The following CADM2 variants were observed in gnomAD, a reference collection of about 807,000 sequenced individuals.
CADM2 encodes immunoglobulin superfamily member 4D.
In CADM2, 12 loss-of-function variants were observed where a neutral mutation model predicts 49.8. That is an observed-to-expected ratio of 0.24 (90% confidence interval 0.15 to 0.39). The LOEUF (loss-of-function observed/expected upper bound fraction) is 0.39, where lower values mean the gene tolerates loss of function less well. CADM2 is among the 10% of genes least tolerant of loss of function. The probability of loss-of-function intolerance (pLI) is 1.00; values close to 1 mark genes in which losing one functional copy is unlikely to be tolerated. For missense variants in CADM2, 378 were observed against 492.3 expected, an observed-to-expected ratio of 0.77 and a Z score of 2.20; for synonymous variants, 214 against 175.4, an observed-to-expected ratio of 1.22 and a Z score of -1.74.
At chr3:86,016,197 A>G (rs879694585) in intron 8 of CADM2, among the ~76,000 whole-genome samples, 9 of 152,224 alleles carry the variant, frequency 5.9e-5, no homozygotes, top group Admixed American at 2.6e-4. Flanking sequence ...ATGGAAATTT[A>G]TGTATATTAG....
intron 1 of CADM2, among the ~76,000 whole-genome samples, chr3:85,066,031 G>A (rs534066468): frequency 6.6e-6 from 1 of 152,190 alleles, no homozygotes; most frequent in South Asian, 2.1e-4. Context: ...GGATGAGAGT[G>A]GGGATGGTGC....
chr3:85,607,701 G>C (rs1415914252), intron 1 of CADM2, among the ~76,000 whole-genome samples: 5 of 151,338 alleles, frequency 3.3e-5, no homozygotes, highest in Non-Finnish European at 7.4e-5. Context: ...CTATCACCCA[G>C]GCTGGAGTGC....
At chr3:85,871,897 G>T (rs999823437) in intron 3 of CADM2, among the ~76,000 whole-genome samples, 1 of 152,102 alleles carries the variant, frequency 6.6e-6, no homozygotes, top group Non-Finnish European at 1.5e-5. Flanking sequence ...CAAAATATTT[G>T]CATGGTGGTG....
chr3:85,065,969 A>T (rs2036513835), intron 1 of CADM2, among the ~76,000 whole-genome samples: 1 of 152,198 alleles, frequency 6.6e-6, no homozygotes, highest in Admixed American at 6.6e-5. Flanking sequence ...TGCAATTAAA[A>T]ACAACAGCCA....
At chr3:85,310,576 G>T (rs911310197) in intron 1 of CADM2, among the ~76,000 whole-genome samples, 29 of 152,136 alleles carry the variant, frequency 1.9e-4, no homozygotes, top group Non-Finnish European at 4.0e-4. Context: ...TTAGGCAGCA[G>T]AATCCCTTGG....
At chr3:85,186,314 G>GT (rs1156397240) in intron 1 of CADM2, among the ~76,000 whole-genome samples, 3 of 151,930 alleles carry the variant, frequency 2.0e-5, no homozygotes, top group African/African-American at 7.3e-5. Context: ...GGTGCTCTTG[G>GT]TCAAAAACTC....
At chr3:85,390,848 C>T (rs1423945431) in intron 1 of CADM2, among the ~76,000 whole-genome samples, 2 of 151,962 alleles carry the variant, frequency 1.3e-5, no homozygotes, top group Admixed American at 6.6e-5. Context: ...CATTTACAGC[C>T]GAATTGTAAA....
chr3:85,726,762 G>C (rs1200662018), intron 2 of CADM2, among the ~76,000 whole-genome samples: 1 of 151,944 alleles, frequency 6.6e-6, no homozygotes, highest in African/African-American at 2.4e-5. Context: ...TTGTTTTCTT[G>C]TTTCACTTCT....
At chr3:85,393,840 AT>A (rs2034636628) in intron 1 of CADM2, among the ~76,000 whole-genome samples, 1 of 152,100 alleles carries the variant, frequency 6.6e-6, no homozygotes, top group South Asian at 2.1e-4. Flanking sequence ...AAGAAGTGAA[AT>A]ATATTATGAG....
At chr3:85,583,608 G>C (rs1460186234) in intron 1 of CADM2, among the ~76,000 whole-genome samples, 1 of 151,980 alleles carries the variant, frequency 6.6e-6, no homozygotes, top group Non-Finnish European at 1.5e-5. Flanking sequence ...GATTATAGAA[G>C]ATGTTTATTT....
intron 1 of CADM2, among the ~76,000 whole-genome samples, chr3:85,051,041 G>A (rs1301546279): frequency 1.3e-5 from 2 of 152,154 alleles, no homozygotes; most frequent in Non-Finnish European, 2.9e-5. Flanking sequence ...AAAAAGGCTC[G>A]AGGCCTTTCC....
chr3:84,987,238 G>T (rs1021573721), intron 1 of CADM2, among the ~76,000 whole-genome samples: 1 of 151,752 alleles, frequency 6.6e-6, no homozygotes, highest in Non-Finnish European at 1.5e-5. Flanking sequence ...TCCATCTCCC[G>T]CAGATGCCCT....
chr3:85,434,447 CA>C (rs766895975), intron 1 of CADM2, among the ~76,000 whole-genome samples: 2 of 151,838 alleles, frequency 1.3e-5, no homozygotes, highest in Non-Finnish European at 2.9e-5. Context: ...ATCCACTCAA[CA>C]AATATGTACT....
chr3:85,164,728 G>C (rs1381855407), intron 1 of CADM2, among the ~76,000 whole-genome samples: 1 of 151,948 alleles, frequency 6.6e-6, no homozygotes, highest in African/African-American at 2.4e-5. Flanking sequence ...ATTAGGAGTT[G>C]CCCTTATTTG....
At chr3:86,054,424 T>C (rs1256825838) in intron 8 of CADM2, among the ~76,000 whole-genome samples, 8 of 152,014 alleles carry the variant, frequency 5.3e-5, no homozygotes, top group Admixed American at 2.0e-4. Context: ...TTAGTAGAAA[T>C]AGTATTGTGT....
chr3:85,692,883 C>A (rs2066428300), intron 1 of CADM2, among the ~76,000 whole-genome samples: 2 of 152,298 alleles, frequency 1.3e-5, no homozygotes, highest in African/African-American at 4.8e-5. Context: ...GGATACCTCT[C>A]AAATTTCTTC....
chr3:85,877,350 G>A (rs72910518), intron 3 of CADM2, among the ~76,000 whole-genome samples: 5,479 of 152,046 alleles, frequency 0.036, 324 homozygotes, highest in African/African-American at 0.12. Context: ...GGACATTCAG[G>A]TAATGATTTA....
intron 5 of CADM2, among the ~76,000 whole-genome samples, chr3:85,907,089 G>T (rs981428449): frequency 6.6e-6 from 1 of 152,120 alleles, no homozygotes; most frequent in African/African-American, 2.4e-5. Flanking sequence ...TCTCCACTGA[G>T]TTCGTTCACT....
chr3:85,575,623 C>G (rs12638040), intron 1 of CADM2, among the ~76,000 whole-genome samples: 78,109 of 152,014 alleles, frequency 0.51, 23,084 homozygotes, highest in East Asian at 0.85. Flanking sequence ...TAACAGTATG[C>G]TAAATTTTTA....
Sources: allele counts gnomAD v4.1 joint callset (sites outside exome capture counted in the v4.1 genomes callset), GRCh38; gene constraint gnomAD v4.1.1; transcripts MANE v1.5; gene names NCBI Gene and HGNC (gene_info 2026-07-23, HGNC 2026-07-21).